PAPSS1: variants seen among roughly 807,000 people sequenced by gnomAD.
PAPSS1 encodes bifunctional 3'-phosphoadenosine 5'-phosphosulfate synthase 1.
Under a neutral mutation model 72.0 loss-of-function variants are expected in PAPSS1, and 50 were observed. The ratio of observed to expected loss-of-function variants is 0.69; its 90% CI spans 0.55 to 0.88. PAPSS1 has a LOEUF of 0.88. PAPSS1 is among the 40% of genes least tolerant of loss of function. The probability of loss-of-function intolerance (pLI) is 0.00; values close to 1 mark genes in which losing one functional copy is unlikely to be tolerated. For missense variants in PAPSS1, 657 were observed against 782.2 expected (o/e 0.84, Z 1.91); for synonymous variants, 261 against 263.6 (o/e 0.99, Z 0.09).
intron 10 of PAPSS1, among the ~76,000 whole-genome samples, chr4:107,643,332 T>TG (rs1726604737): frequency 1.3e-5 from 2 of 152,194 alleles, no homozygotes; most frequent in African/African-American, 4.8e-5. Flanking sequence ...CCCAAAGGTA[T>TG]GCCCCCTCCC....
intron 5 of PAPSS1, among the ~76,000 whole-genome samples, chr4:107,670,087 T>C (rs7692719): frequency 2.0e-5 from 3 of 152,202 alleles, no homozygotes; most frequent in Admixed American, 1.3e-4. Flanking sequence ...TGAGAGACAG[T>C]TGGAAGCTAA....
At chr4:107,712,743 C>T (rs1462856294) in intron 1 of PAPSS1, among the ~76,000 whole-genome samples, 2 of 151,850 alleles carry the variant, frequency 1.3e-5, no homozygotes, top group African/African-American at 2.4e-5. Flanking sequence ...CGTGGTGACA[C>T]GTGCCTATAA....
intron 1 of PAPSS1, among the ~76,000 whole-genome samples, chr4:107,703,906 G>A (rs550747353): frequency 6.6e-6 from 1 of 152,212 alleles, no homozygotes; most frequent in East Asian, 1.9e-4. Flanking sequence ...AATTTTTATA[G>A]GGATTGCATT....
chr4:107,644,501 C>T (rs1726640551), intron 10 of PAPSS1, among the ~76,000 whole-genome samples: 1 of 152,168 alleles, frequency 6.6e-6, no homozygotes, highest in Admixed American at 6.5e-5. Flanking sequence ...CCAGCAGTTA[C>T]AAGAGGAGCT....
chr4:107,710,535 G>T (rs1007054707), intron 1 of PAPSS1, among the ~76,000 whole-genome samples: 1 of 151,824 alleles, frequency 6.6e-6, no homozygotes, highest in African/African-American at 2.4e-5. Context: ...GGGAGTAAGT[G>T]GATGAGCAGA....
At chr4:107,676,456 A>G (rs1189901606) in intron 5 of PAPSS1, among the ~76,000 whole-genome samples, 1 of 152,350 alleles carries the variant, frequency 6.6e-6, no homozygotes, top group East Asian at 1.9e-4. Context: ...AGAATAAAAT[A>G]CCTAGGAATC....
intron 2 of PAPSS1, among the ~76,000 whole-genome samples, chr4:107,697,221 T>C (rs1242911540): frequency 1.3e-5 from 2 of 152,256 alleles, no homozygotes; most frequent in Non-Finnish European, 2.9e-5. Context: ...TTCAGATGAC[T>C]GTGGCCCAGG....
At chr4:107,639,595 C>T (rs1022293800) in intron 10 of PAPSS1, among the ~76,000 whole-genome samples, 4 of 152,148 alleles carry the variant, frequency 2.6e-5, no homozygotes, top group South Asian at 4.1e-4. Context: ...AGACTGTGAA[C>T]TGTGTCATAC....
At chr4:107,697,961 A>G (rs1233648106) in intron 2 of PAPSS1, among the ~76,000 whole-genome samples, 2 of 152,222 alleles carry the variant, frequency 1.3e-5, no homozygotes, top group Admixed American at 6.5e-5. Flanking sequence ...AGCCACCAGC[A>G]GAAGCCAAGG....
rs371747554 is a variant in PAPSS1, at chr4:107,634,110, C to A, written c.1507-2250G>T. ...ATGGTTTACTGCAGGTTCAGCCTCCCGGGCTCAGGCAATCCTCCCATCTCA... is the reference window on the plus strand; with the variant it reads ...ATGGTTTACTGCAGGTTCAGCCTCCAGGGCTCAGGCAATCCTCCCATCTCA... On this transcript the variant is annotated intron_variant, in intron 10 of 11. Transcript: ENST00000265174. 5.9e-5 allele frequency among the ~76,000 whole-genome samples: 9 copies of A among 152,028 alleles called. No homozygotes were observed. The East Asian group carries it at 1.6e-3, about 26-fold the overall frequency.
intron 3 of PAPSS1, among the ~76,000 whole-genome samples, chr4:107,687,888 T>C (rs577912967): frequency 1.7e-4 from 26 of 151,820 alleles, no homozygotes; most frequent in African/African-American, 6.3e-4. Flanking sequence ...TCCACACAGC[T>C]CATTTTAGCA....
chr4:107,614,320 G>A lies in PAPSS1; in HGVS notation c.1804C>T (p.Pro602Ser), dbSNP rs753912839. The change falls in exon 12 of 12, where the codon CCT becomes TCT. Residue 602 changes from proline to serine, a missense_variant. Transcript: ENST00000265174. ...RKLAREGQKP[P>S]EGFMAPKAWT... Reference sequence around the variant, plus strand: ...GCCTTGGGAGCCATGAAACCTTCAGGTGGTTTCTGGCCTTCTCGAGCAAGT... The same window carrying A: ...GCCTTGGGAGCCATGAAACCTTCAGATGGTTTCTGGCCTTCTCGAGCAAGT... 3.1e-6 allele frequency: 5 copies of A among 1,613,746 alleles called. No individual in the cohort carries two copies. The highest frequency in any genetic ancestry group is 1.7e-5 in the Admixed American group (1 of 60,020).
intron 5 of PAPSS1, among the ~76,000 whole-genome samples, chr4:107,675,724 A>G (rs1484002892): frequency 6.6e-6 from 1 of 152,230 alleles, no homozygotes; most frequent in Non-Finnish European, 1.5e-5. Flanking sequence ...TGGCAGAGAC[A>G]CAGCAAAAAA....
chr4:107,683,819 A>G (rs1467573581), intron 4 of PAPSS1, among the ~76,000 whole-genome samples: 1 of 152,146 alleles, frequency 6.6e-6, no homozygotes, highest in Non-Finnish European at 1.5e-5. Flanking sequence ...TCTGTGCTGG[A>G]ATATATACCA....
chr4:107,650,951 G>A (rs1018127664), intron 9 of PAPSS1, among the ~76,000 whole-genome samples: 12 of 152,132 alleles, frequency 7.9e-5, no homozygotes, highest in African/African-American at 2.9e-4. Flanking sequence ...ATGACTTAAT[G>A]CATTGACCCT....
At chr4:107,685,248 T>A (rs1722750943) in intron 4 of PAPSS1, among the ~76,000 whole-genome samples, 1 of 152,202 alleles carries the variant, frequency 6.6e-6, no homozygotes, top group Non-Finnish European at 1.5e-5. Flanking sequence ...TAACTATGTG[T>A]GTGACAGGTG....
At chr4:107,681,548 G>A (rs1722606839) in intron 5 of PAPSS1, among the ~76,000 whole-genome samples, 1 of 152,162 alleles carries the variant, frequency 6.6e-6, no homozygotes, top group African/African-American at 2.4e-5. Context: ...AGGTCCTTAT[G>A]TCCTAGAAAC....
chr4:107,675,998 A>C (rs1727633713), intron 5 of PAPSS1, among the ~76,000 whole-genome samples: 1 of 152,218 alleles, frequency 6.6e-6, no homozygotes, highest in African/African-American at 2.4e-5. Flanking sequence ...GTCACGCTAA[A>C]ACTCTCAATA....
At chr4:107,647,134 T>C (rs1455015449) in intron 9 of PAPSS1, among the ~76,000 whole-genome samples, 1 of 152,120 alleles carries the variant, frequency 6.6e-6, no homozygotes, top group Non-Finnish European at 1.5e-5. Context: ...TGGCCTACCC[T>C]CCAGGGGCTT....
Sources: gnomAD v4.1 joint callset for allele counts (sites outside exome capture counted in the v4.1 genomes callset) on GRCh38, gnomAD v4.1.1 for gene constraint, MANE v1.5 for transcripts, NCBI Gene and HGNC (gene_info 2026-07-23, HGNC 2026-07-21) for gene names.